Variants in GALNT13 observed in about 807,000 individuals in gnomAD.
GALNT13 encodes UDP-GalNAc:polypeptide N-acetylgalactosaminyltransferase 13.
GALNT13 carries 28 observed loss-of-function variants against 64.2 expected under a neutral mutation model. The observed-to-expected ratio is 0.44, with a 90% confidence interval of 0.32 to 0.60. The LOEUF is 0.60. GALNT13 is among the 20% of genes least tolerant of loss of function. The pLI is 0.05. For synonymous variants in GALNT13, 214 were observed against 224.6 expected (o/e 0.95, Z 0.42); for missense variants, 577 against 669.8 (o/e 0.86, Z 1.53).
the GALNT13 span, among the ~76,000 whole-genome samples, chr2:153,248,921 T>C: frequency 6.7e-6 from 1 of 149,430 alleles, no homozygotes; most frequent in Non-Finnish European, 1.5e-5. Context: ...AGAACAAATA[T>C]CATACAGAAT....
chr2:153,797,208 G>A, the GALNT13 span, among the ~76,000 whole-genome samples: 1 of 152,140 alleles, frequency 6.6e-6, no homozygotes, highest in Non-Finnish European at 1.5e-5. Context: ...ATGGACAGAG[G>A]CTTTTTGAAA....
At chr2:153,344,006 C>T in the GALNT13 span, among the ~76,000 whole-genome samples, 1 of 152,082 alleles carries the variant, frequency 6.6e-6, no homozygotes, top group African/African-American at 2.4e-5. Flanking sequence ...CAGAACTCCC[C>T]CTGCTTTTCC....
At chr2:154,316,570 A>G (rs1476651919) in intron 9 of GALNT13, among the ~76,000 whole-genome samples, 1 of 152,180 alleles carries the variant, frequency 6.6e-6, no homozygotes, top group Non-Finnish European at 1.5e-5. Context: ...GGTAAATTAT[A>G]AAGAAATGAA....
chr2:154,110,094 A>G (rs1269851757), intron 3 of GALNT13, among the ~76,000 whole-genome samples: 2 of 151,584 alleles, frequency 1.3e-5, no homozygotes, highest in Non-Finnish European at 2.9e-5. Flanking sequence ...CAGTGAAGGC[A>G]TCATCAGGTT....
chr2:154,454,932 G>T (rs1248772242), downstream of GALNT13, among the ~76,000 whole-genome samples: 2 of 152,074 alleles, frequency 1.3e-5, no homozygotes, highest in East Asian at 1.9e-4. Context: ...CTTGCACAGA[G>T]AATTAGACCA....
the GALNT13 span, among the ~76,000 whole-genome samples, chr2:153,096,397 G>T: frequency 6.6e-6 from 1 of 152,124 alleles, no homozygotes; most frequent in Non-Finnish European, 1.5e-5. Context: ...GGTCTATAAT[G>T]CAGATGAGCC....
chr2:153,273,364 T>C, the GALNT13 span, among the ~76,000 whole-genome samples: 1 of 152,186 alleles, frequency 6.6e-6, no homozygotes. Flanking sequence ...TGCAGGCTAG[T>C]AGGCAAAAAC....
the GALNT13 span, among the ~76,000 whole-genome samples, chr2:153,826,436 T>C: frequency 2.0e-4 from 31 of 152,312 alleles, no homozygotes; most frequent in African/African-American, 6.7e-4. Flanking sequence ...AGTTTTAACA[T>C]GAGTTTTGGA....
At chr2:153,301,831 A>C in the GALNT13 span, among the ~76,000 whole-genome samples, 1 of 152,072 alleles carries the variant, frequency 6.6e-6, no homozygotes, top group Non-Finnish European at 1.5e-5. Context: ...ATGTTGTCAT[A>C]AATGACAGGA....
At chr2:154,385,959 A>C (rs1445442511) in intron 9 of GALNT13, among the ~76,000 whole-genome samples, 1 of 152,108 alleles carries the variant, frequency 6.6e-6, no homozygotes, top group Non-Finnish European at 1.5e-5. Context: ...ATTTCTAATA[A>C]AAACAAAATG....
At chr2:153,525,974 A>G in the GALNT13 span, among the ~76,000 whole-genome samples, 2 of 152,220 alleles carry the variant, frequency 1.3e-5, no homozygotes, top group Non-Finnish European at 2.9e-5. Context: ...TGCCTTTAGA[A>G]AAGGGAGGAA....
the GALNT13 span, among the ~76,000 whole-genome samples, chr2:153,236,636 G>C: frequency 6.6e-6 from 1 of 152,012 alleles, no homozygotes; most frequent in Non-Finnish European, 1.5e-5. Flanking sequence ...AATATTTTAA[G>C]CTGACTGTTG....
At chr2:153,535,432 A>C in the GALNT13 span, among the ~76,000 whole-genome samples, 136 of 152,240 alleles carry the variant, frequency 8.9e-4, no homozygotes, top group African/African-American at 3.2e-3. Flanking sequence ...AAAACAGTGT[A>C]AACCGGCAGT....
At chr2:153,081,602 A>G in the GALNT13 span, among the ~76,000 whole-genome samples, 1 of 152,162 alleles carries the variant, frequency 6.6e-6, no homozygotes, top group Non-Finnish European at 1.5e-5. Context: ...CCCATAAATG[A>G]GTGAAAGCAT....
At chr2:153,264,400 A>G in the GALNT13 span, among the ~76,000 whole-genome samples, 3 of 152,190 alleles carry the variant, frequency 2.0e-5, no homozygotes, top group Non-Finnish European at 4.4e-5. Flanking sequence ...AGACCTAGAG[A>G]CAGAAATATC....
chr2:153,071,852 A>G, the GALNT13 span, among the ~76,000 whole-genome samples: 6 of 152,200 alleles, frequency 3.9e-5, no homozygotes, highest in Non-Finnish European at 8.8e-5. Context: ...GTTTTAAAAA[A>G]TGTAACAAAG....
At chr2:154,069,644 C>T (rs1442219794) in intron 3 of GALNT13, among the ~76,000 whole-genome samples, 1 of 151,716 alleles carries the variant, frequency 6.6e-6, no homozygotes, top group Non-Finnish European at 1.5e-5. Flanking sequence ...AAGAAGAATG[C>T]ATATTACCAG....
At chr2:153,752,562 C>T in the GALNT13 span, among the ~76,000 whole-genome samples, 5 of 152,034 alleles carry the variant, frequency 3.3e-5, no homozygotes, top group Non-Finnish European at 7.4e-5. Context: ...ATATGTCATG[C>T]CACTCTCTCT....
At chr2:153,453,037 A>C in the GALNT13 span, among the ~76,000 whole-genome samples, 1 of 152,194 alleles carries the variant, frequency 6.6e-6, no homozygotes. Flanking sequence ...CTATTCAATA[A>C]ATGGTGCTGG....
Sources: allele counts gnomAD v4.1 joint callset (sites outside exome capture counted in the v4.1 genomes callset), GRCh38; gene constraint gnomAD v4.1.1; transcripts MANE v1.5; gene names NCBI Gene and HGNC (gene_info 2026-07-23, HGNC 2026-07-21).